The following KANSL1 variants were observed in gnomAD, a reference collection of about 807,000 sequenced individuals.
The protein encoded by KANSL1 is MLL1/MLL complex subunit KANSL1.
A neutral mutation model predicts 103.6 loss-of-function variants in KANSL1; 22 were observed. The ratio of observed to expected loss-of-function variants is 0.21; its 90% confidence interval spans 0.15 to 0.30. The LOEUF (loss-of-function observed/expected upper bound fraction) is 0.30, where lower values mean the gene tolerates loss of function less well. Among genes scored for constraint, KANSL1 ranks in the 10% least tolerant of loss-of-function variants. KANSL1 has a pLI of 1.00. For missense variants in KANSL1, 1,337 were observed against 1,399.8 expected (o/e 0.96, Z 0.72); for synonymous variants, 600 against 527.6 (o/e 1.14, Z -1.88).
chr17:46,030,308 A>C lies in KANSL1; in HGVS notation c.*1168T>G, dbSNP rs751844327. ...CAGAAAAAAAAATCACTAATGTTGA[A>C]AATTGTGAAAAAACCCCAACCATTA... On this transcript the variant is annotated 3_prime_UTR_variant, in exon 15 of 15. Transcript: ENST00000432791. 24 of 152,262 alleles carry C rather than the reference A, an allele frequency of 1.6e-4. No homozygotes were observed. Among genetic ancestry groups the C allele is most frequent in the Non-Finnish European group, 2.4e-4 (16 of 68,014 alleles). The allele number at this position is 152,262 out of a possible 1,614,324, so 9.4% of individuals were successfully genotyped here. A position where few individuals can be genotyped will look rare whatever the true frequency, so the allele number is the denominator to read the frequency against.
At chr17:46,102,716 C>G (rs2042374310) in intron 2 of KANSL1, among the ~76,000 whole-genome samples, 1 of 152,234 alleles carries the variant, frequency 6.6e-6, no homozygotes, top group South Asian at 2.1e-4. Context: ...CATGAACTCA[C>G]TCTATCCTTC....
intron 2 of KANSL1, among the ~76,000 whole-genome samples, chr17:46,144,943 T>C (rs549035401): frequency 2.6e-5 from 4 of 152,334 alleles, no homozygotes; most frequent in Admixed American, 1.3e-4. Context: ...TCAAGATATA[T>C]ATTAATTTTT....
intron 1 of KANSL1, among the ~76,000 whole-genome samples, chr17:46,179,149 C>A (rs1278481485): frequency 6.6e-6 from 1 of 152,158 alleles, no homozygotes; most frequent in African/African-American, 2.4e-5. Flanking sequence ...AAAAATGTCT[C>A]CAGACATGTC....
chr17:46,075,992 A>G (rs1447935748), intron 4 of KANSL1, among the ~76,000 whole-genome samples: 1 of 152,234 alleles, frequency 6.6e-6, no homozygotes, highest in Non-Finnish European at 1.5e-5. Flanking sequence ...AGAAGCACTC[A>G]AGAAAAGATA....
chr17:46,099,501 A>G (rs2042221854), intron 2 of KANSL1, among the ~76,000 whole-genome samples: 1 of 152,228 alleles, frequency 6.6e-6, no homozygotes. Context: ...ATGTTATACC[A>G]TACAGACTTC....
chr17:46,033,050 G>A (rs1407710301), intron 13 of KANSL1, 30 bp downstream of exon 13: 2 of 1,524,306 alleles, frequency 1.3e-6, no homozygotes, highest in Non-Finnish European at 1.8e-6. Context: ...TCTCTCCACA[G>A]GCCCTGGGGA....
At chr17:46,045,099 C>T (rs937952502) in intron 7 of KANSL1, 1 of 151,200 alleles carries the variant, frequency 6.6e-6, no homozygotes, top group African/African-American at 2.4e-5. Context: ...TAAAATCTAC[C>T]ACACAAATGT....
intron 2 of KANSL1, among the ~76,000 whole-genome samples, chr17:46,096,320 T>C (rs868498223): frequency 1.5e-5 from 2 of 137,634 alleles, no homozygotes; most frequent in Admixed American, 7.4e-5. Flanking sequence ...TCTTTTTTTT[T>C]TTTTTTTTTT....
At chr17:46,173,807 A>G (rs1193216810) in intron 1 of KANSL1, among the ~76,000 whole-genome samples, 1 of 152,226 alleles carries the variant, frequency 6.6e-6, no homozygotes, top group African/African-American at 2.4e-5. Flanking sequence ...AAAATTATGA[A>G]TTATCTTGAG....
At position 46,096,313 on chromosome 17, in the gene KANSL1, T is replaced by TTTTTTTTTTTTTTTTTTTTTC. The variant is rs1568443405; in HGVS notation, c.1290-1613_1290-1612insGAAAAAAAAAAAAAAAAAAAA. 1.9e-4 allele frequency among the ~76,000 whole-genome samples: 17 copies of TTTTTTTTTTTTTTTTTTTTTC among 90,278 alleles called. No homozygotes were observed. The East Asian group carries it at 2.6e-3, about 14-fold the overall frequency. The allele number at this position is 90,278 out of a possible 152,430, so 59.2% of individuals were successfully genotyped here. A position where few individuals can be genotyped will look rare whatever the true frequency, so the allele number is the denominator to read the frequency against. On this transcript the variant is annotated intron_variant, in intron 2 of 14. Transcript: ENST00000432791. ...TACTACATACCTGGCTTTTTTTTCT[T>TTTTTTTTTTTTTTTTTTTTTC]TTTTTTTTTTTTTTTTTTTGAGATG...
upstream of KANSL1, chr17:46,196,399 T>C: frequency 2.2e-6 from 1 of 456,344 alleles, no homozygotes. Context: ...AGAAGCCCCC[T>C]GGACAGCCTC....
intron 2 of KANSL1, among the ~76,000 whole-genome samples, chr17:46,154,101 G>A (rs891972566): frequency 2.6e-5 from 4 of 152,210 alleles, no homozygotes; most frequent in African/African-American, 9.7e-5. Flanking sequence ...ATAAAACGAT[G>A]TCTAGTTTGG....
intron 2 of KANSL1, among the ~76,000 whole-genome samples, chr17:46,126,935 C>T (rs1308372503): frequency 8.9e-6 from 1 of 112,766 alleles, no homozygotes; most frequent in Non-Finnish European, 2.4e-5. Context: ...AAACTGTAAC[C>T]AGTAACATCC....
intron 3 of KANSL1, among the ~76,000 whole-genome samples, chr17:46,092,263 G>C (rs966837547): frequency 4.6e-5 from 7 of 152,198 alleles, no homozygotes; most frequent in African/African-American, 1.7e-4. Flanking sequence ...TTATTTTCCA[G>C]ATATTTAGAA....
chr17:46,178,513 G>C (rs897171204), intron 1 of KANSL1, among the ~76,000 whole-genome samples: 2 of 152,218 alleles, frequency 1.3e-5, no homozygotes, highest in Non-Finnish European at 2.9e-5. Context: ...AAATACAGAT[G>C]GAGCTGCTAC....
chr17:46,220,379 G>T (rs1209302961), intron 1 of KANSL1, among the ~76,000 whole-genome samples: 1 of 151,764 alleles, frequency 6.6e-6, no homozygotes, highest in African/African-American at 2.4e-5. Flanking sequence ...ACCACGCCCA[G>T]CTATTTTTTT....
intron 2 of KANSL1, among the ~76,000 whole-genome samples, chr17:46,144,914 C>A (rs1306809462): frequency 6.6e-6 from 1 of 152,172 alleles, no homozygotes; most frequent in African/African-American, 2.4e-5. Flanking sequence ...TTGGATGCCA[C>A]ACAATAGATT....
chr17:46,085,514 G>C (rs1455695290), intron 3 of KANSL1, among the ~76,000 whole-genome samples: 2 of 152,150 alleles, frequency 1.3e-5, no homozygotes, highest in Non-Finnish European at 2.9e-5. Context: ...TGTTGAGACA[G>C]GGTCAAGCTC....
chr17:46,178,037 A>T (rs2046610610), intron 1 of KANSL1, among the ~76,000 whole-genome samples: 1 of 152,142 alleles, frequency 6.6e-6, no homozygotes, highest in Non-Finnish European at 1.5e-5. Flanking sequence ...TTGGCCTCCC[A>T]AAGTGCTGGG....
Sources: allele counts gnomAD v4.1 joint callset (sites outside exome capture counted in the v4.1 genomes callset), GRCh38; gene constraint gnomAD v4.1.1; transcripts MANE v1.5; gene names NCBI Gene and HGNC (gene_info 2026-07-23, HGNC 2026-07-21).